The following ZAN variants were observed in gnomAD, a reference collection of about 807,000 sequenced individuals.
The protein encoded by ZAN is zonadhesin.
A neutral mutation model predicts 286.2 loss-of-function variants in ZAN; 260 were observed. The observed-to-expected ratio is 0.91, with a 90% CI of 0.82 to 1.01. ZAN has a LOEUF of 1.01. Among genes scored for constraint, ZAN ranks in the 50% least tolerant of loss-of-function variants. The probability of loss-of-function intolerance (pLI) is 0.00; values close to 1 mark genes in which losing one functional copy is unlikely to be tolerated. For missense variants in ZAN, 3,410 were observed against 3,639.2 expected, an observed-to-expected ratio of 0.94 and a Z score of 1.62; for synonymous variants, 1,368 against 1,417.5, an observed-to-expected ratio of 0.97 and a Z score of 0.79.
At chr7:100,797,216 G>T (rs1208316505) in intron 45 of ZAN, 150 bp from the exon 46 acceptor site, 2 of 709,680 alleles carry the variant, frequency 2.8e-6, no homozygotes, top group African/African-American at 3.5e-5. Context: ...CTGGAGGTGA[G>T]AACCTCCTGG....
intron 19 of ZAN, 145 bp from the exon 20 acceptor site, chr7:100,762,069 TG>T: frequency 1.1e-6 from 1 of 940,826 alleles, no homozygotes; most frequent in Non-Finnish European, 1.6e-6. Context: ...GGGAGGGCCA[TG>T]GGGTCCTCTT....
Position 100,735,212 on chromosome 7 carries a change from T to C in ZAN, c.54-508T>C, listed in dbSNP as rs749523645. ...AAGAAAAAAAAAAAGAAATGATGGA[T>C]GTCTTGGTGTCCTGCAGTGTGTTTG... On this transcript the variant is annotated intron_variant, in intron 2 of 47. Coordinates refer to ENST00000613979, the MANE Select transcript of ZAN (RefSeq NM_003386.3). Among the ~76,000 whole-genome samples, 10 of 131,190 alleles carry C rather than the reference T, an allele frequency of 7.6e-5. 3 individuals are homozygous for C. Among genetic ancestry groups the C allele is most frequent in the African/African-American group, 1.4e-4 (5 of 35,928 alleles). 86.1% of individuals were successfully genotyped at this position (131,190 alleles called of 152,430 possible). A position where few individuals can be genotyped will look rare whatever the true frequency, so the allele number is the denominator to read the frequency against.
At chr7:100,754,843 T>A (rs948729387) in intron 14 of ZAN, among the ~76,000 whole-genome samples, 3 of 152,128 alleles carry the variant, frequency 2.0e-5, no homozygotes, top group Non-Finnish European at 4.4e-5. Context: ...GGTTTCGCCC[T>A]GTTAGCCAGG....
At position 100,762,348 on chromosome 7, in the gene ZAN, G is replaced by A. The variant is rs377322327; in HGVS notation, c.3976G>A (p.Glu1326Lys). The change falls in exon 20 of 48, where the codon GAG (glutamate) becomes AAG (lysine). Residue 1326 changes from glutamate to lysine, a missense_variant. Glu to Lys is a moderately conservative substitution (Grantham distance 56). Around this residue, in one of 7 missense-constraint regions of ZAN, gnomAD observed 1,042 missense variants for 1,058.0 expected, o/e 0.98. Transcript: ENST00000613979. Reference protein sequence around the residue: ...LGNSWQTDQDEDQECQKYQVV... With the variant: ...LGNSWQTDQDKDQECQKYQVV... ...GAACAGCTGGCAGACGGACCAGGACGAGGACCAGGAGTGAGCAAGGAGCCC... is the reference window on the plus strand; with the variant it reads ...GAACAGCTGGCAGACGGACCAGGACAAGGACCAGGAGTGAGCAAGGAGCCC... 10 of 1,610,022 alleles carry A rather than the reference G, an allele frequency of 6.2e-6. No individual in the cohort carries two copies. The highest frequency in any genetic ancestry group is 3.3e-5 in the South Asian group (3 of 90,942).
At chr7:100,775,906 G>T in intron 33 of ZAN, 73 bp downstream of exon 33, 3 of 1,564,820 alleles carry the variant, frequency 1.9e-6, no homozygotes, top group Non-Finnish European at 1.7e-6. Flanking sequence ...GGGATGGGGG[G>T]CAGTGTTCGC....
chr7:100,762,355 A>T lies in ZAN; in HGVS notation c.3983A>T (p.Gln1328Leu), dbSNP rs769919821. 8 of 1,606,660 alleles carry T rather than the reference A, an allele frequency of 5.0e-6. No homozygotes were observed. Among genetic ancestry groups the T allele is most frequent in the Non-Finnish European group, 6.8e-6 (8 of 1,175,530 alleles). Residue 1328 changes from glutamine (Q) to leucine (L), a missense_variant, in exon 20 of 48, where the codon CAG becomes CTG. This residue lies in a region of ZAN where 1,042 missense variants were observed against 1,058.0 expected (regional missense o/e 0.98). Transcript: ENST00000613979. Reference protein sequence around the residue: ...NSWQTDQDEDQECQKYQVVNS... With the variant: ...NSWQTDQDEDLECQKYQVVNS... ...TGGCAGACGGACCAGGACGAGGACC[A>T]GGAGTGAGCAAGGAGCCCTCCCACC...
intron 11 of ZAN, among the ~76,000 whole-genome samples, chr7:100,749,723 C>T (rs112138417): frequency 0.3 from 41,383 of 136,320 alleles, 6,482 homozygotes; most frequent in South Asian, 0.38. Flanking sequence ...CACACACACA[C>T]ATATATATAT....
At chr7:100,760,665 T>G in intron 19 of ZAN, 129 bp downstream of exon 19, 1 of 1,375,456 alleles carries the variant, frequency 7.3e-7, no homozygotes, top group Non-Finnish European at 9.9e-7. Context: ...CCTTTATGCA[T>G]TCACGGATGG....
At position 100,738,380 on chromosome 7, in the gene ZAN, T is replaced by C. The variant is rs1807456827; in HGVS notation, c.614-81T>C. 2.3e-6 allele frequency: 3 copies of C among 1,286,616 alleles called. 1 individual carries two copies. Among genetic ancestry groups the C allele is most frequent in the Non-Finnish European group, 3.3e-6 (3 of 922,800 alleles). 79.7% of individuals were successfully genotyped at this position (1,286,616 alleles called of 1,614,324 possible). ...CCGCAGTGAGCTATGATCACACCAC[T>C]GTACTCTAGCCTGGGTGACAGAGAC... On this transcript the variant is annotated intron_variant, in intron 6 of 47. Coordinates refer to ENST00000613979, the MANE Select transcript of ZAN (RefSeq NM_003386.3).
rs1321569722 is a variant in ZAN, at chr7:100,775,723, G to A, written c.6082G>A (p.Val2028Ile). 4 of 1,613,854 alleles carry A rather than the reference G, an allele frequency of 2.5e-6. No homozygotes were observed. The highest frequency in any genetic ancestry group is 3.4e-6 in the Non-Finnish European group (4 of 1,179,844). ...CATCTCCCAGATCCCTGGGGTCAGTGTCAAGTCCAGCAGCATCTACAGCAT... is the reference window on the plus strand; with the variant it reads ...CATCTCCCAGATCCCTGGGGTCAGTATCAAGTCCAGCAGCATCTACAGCAT... Reference protein sequence around the residue: ...PAISQIPGVSVKSSSIYSIVN... With the variant: ...PAISQIPGVSIKSSSIYSIVN... The change falls in exon 33 of 48, where the codon GTC becomes ATC. Residue 2028 changes from valine to isoleucine, a missense_variant. Physicochemically the swap from Val to Ile is conservative, Grantham distance 29 (BLOSUM62 3). Coordinates refer to ENST00000613979, the MANE Select transcript of ZAN (RefSeq NM_003386.3).
chr7:100,794,559 G>C (rs1332269757), intron 44 of ZAN, among the ~76,000 whole-genome samples: 1 of 152,126 alleles, frequency 6.6e-6, no homozygotes, highest in African/African-American at 2.4e-5. Flanking sequence ...CCTGCTGGGC[G>C]TGGGTGACTC....
intron 7 of ZAN, among the ~76,000 whole-genome samples, chr7:100,742,777 G>A (rs1407932849): frequency 4.6e-4 from 26 of 56,948 alleles, no homozygotes; most frequent in Non-Finnish European, 9.3e-4. Context: ...AATCAGGCAG[G>A]GAGGTTGCAG....
intron 35 of ZAN, among the ~76,000 whole-genome samples, chr7:100,783,789 T>TATATATAC (rs1562952396): frequency 2.0e-4 from 2 of 10,122 alleles, no homozygotes; most frequent in African/African-American, 3.6e-4. Context: ...TATATACACA[T>TATATATAC]ATATATATAT....
Position 100,784,771 on chromosome 7 carries a change from T to G in ZAN, c.6771T>G (p.Ser2257Arg), listed in dbSNP as rs1811452536. 6.2e-7 allele frequency: 1 copy of G among 1,613,492 alleles called. No individual in the cohort carries two copies. The highest frequency in any genetic ancestry group is 1.1e-5 in the South Asian group (1 of 91,054). ...TTTGTCAGCCCGGCTATGTGCTGAG[T>G]GAAGACAAGTGTGTCCCCAGAAGTC... The part of the protein sequence containing the change: ...GCICQPGYVL[S>R]EDKCVPRSQC... Residue 2257 changes from serine (S) to arginine (R), a missense_variant, in exon 36 of 48, where the codon AGT (serine) becomes AGG (arginine). Physicochemically the swap from Ser to Arg is moderately radical, Grantham distance 110. This residue lies in a region of ZAN where 1,289 missense variants were observed against 1,314.3 expected (regional missense o/e 0.98). Transcript: ENST00000613979.
chr7:100,766,046 G>C (rs1809946701), intron 23 of ZAN, among the ~76,000 whole-genome samples: 1 of 151,662 alleles, frequency 6.6e-6, no homozygotes, highest in Admixed American at 6.6e-5. Context: ...GAGTGCAGTG[G>C]CACGGTCTCA....
At position 100,763,112 on chromosome 7, in the gene ZAN, A is replaced by T. The variant is rs1460609538; in HGVS notation, c.3987-694A>T. ...TCAATCCCAATGAGATTATAGGCAC[A>T]TGCCACCACACCTGTCTGATTTTTG... On this transcript the variant is annotated intron_variant, in intron 20 of 47. Coordinates refer to ENST00000613979, the MANE Select transcript of ZAN (RefSeq NM_003386.3). This position sits in a 1 kb window ranked among gnomAD's most constrained non-coding sequence, Gnocchi z 4.6. 6.6e-6 allele frequency among the ~76,000 whole-genome samples: 1 copy of T among 151,172 alleles called. No individual in the cohort carries two copies. The highest frequency in any genetic ancestry group is 2.0e-4 in the East Asian group (1 of 5,010).
chr7:100,795,552 ATATT>A (rs1204465900), intron 45 of ZAN, among the ~76,000 whole-genome samples: 1 of 149,870 alleles, frequency 6.7e-6, no homozygotes, highest in Non-Finnish European at 1.5e-5. Context: ...TATATTACAT[ATATT>A]ATTATAGTAG....
chr7:100,758,954 T>G (rs1249050455), intron 17 of ZAN, among the ~76,000 whole-genome samples: 1 of 151,866 alleles, frequency 6.6e-6, no homozygotes, highest in Non-Finnish European at 1.5e-5. Context: ...CCGGGCTCAG[T>G]GGCTCACGCC....
chr7:100,792,998 G>GAAAAAAAAAAAAAAAAAA (rs1233962121), intron 42 of ZAN, among the ~76,000 whole-genome samples: 1 of 95,374 alleles, frequency 1.0e-5, no homozygotes, highest in African/African-American at 3.6e-5. Flanking sequence ...AAAAAAAAAA[G>GAAAAAAAAAAAAAAAAAA]AAAGAAAGAA....
Sources: allele counts gnomAD v4.1 joint callset (sites outside exome capture counted in the v4.1 genomes callset), GRCh38; gene constraint gnomAD v4.1.1; regional missense constraint gnomAD v4.1.1; non-coding constraint Gnocchi (gnomAD v3.1); transcripts MANE v1.5; gene names NCBI Gene and HGNC (gene_info 2026-07-23, HGNC 2026-07-21).